The following THRB variants were observed in gnomAD, a reference collection of about 807,000 sequenced individuals.
THRB encodes nuclear receptor subfamily 1 group A member 2.
A neutral mutation model predicts 47.8 loss-of-function variants in THRB; 12 were observed. The ratio of observed to expected loss-of-function variants is 0.25; its 90% CI spans 0.16 to 0.41. The LOEUF (loss-of-function observed/expected upper bound fraction) is 0.41. Among genes scored for constraint, THRB ranks in the 10% least tolerant of loss-of-function variants. The pLI is 1.00. For synonymous variants in THRB, 218 were observed against 212.2 expected, an observed-to-expected ratio of 1.03 and a Z score of -0.24; for missense variants, 348 against 589.2, an observed-to-expected ratio of 0.59 and a Z score of 4.24.
chr3:24,235,010 G>A (rs1309608644), intron 3 of THRB, among the ~76,000 whole-genome samples: 1 of 152,190 alleles, frequency 6.6e-6, no homozygotes, highest in Non-Finnish European at 1.5e-5. Context: ...GTGTGAGAAA[G>A]GCAGCCCTGC....
intron 4 of THRB, among the ~76,000 whole-genome samples, chr3:24,224,715 C>G (rs2047485730): frequency 6.6e-6 from 1 of 152,202 alleles, no homozygotes; most frequent in Non-Finnish European, 1.5e-5. Context: ...TCAGTGTTCA[C>G]TTTTTCTTTA....
chr3:24,253,135 A>G (rs2050834396), intron 3 of THRB, among the ~76,000 whole-genome samples: 1 of 152,244 alleles, frequency 6.6e-6, no homozygotes, highest in Non-Finnish European at 1.5e-5. Flanking sequence ...ACGTTTTACA[A>G]AATTGCTGTG....
chr3:24,310,477 T>C (rs2057677349), intron 2 of THRB, among the ~76,000 whole-genome samples: 1 of 152,222 alleles, frequency 6.6e-6, no homozygotes, highest in South Asian at 2.1e-4. Flanking sequence ...CAAACTTCAG[T>C]GTGCATCAGA....
At chr3:24,275,820 G>A (rs542302115) in intron 3 of THRB, among the ~76,000 whole-genome samples, 1 of 152,076 alleles carries the variant, frequency 6.6e-6, no homozygotes, top group Non-Finnish European at 1.5e-5. Context: ...ATGAAAGACT[G>A]GGCTATGCCC....
chr3:24,185,691 C>T (rs1217942491), intron 5 of THRB, among the ~76,000 whole-genome samples: 1 of 152,134 alleles, frequency 6.6e-6, no homozygotes, highest in Non-Finnish European at 1.5e-5. Context: ...AGGGAGGTCC[C>T]TGATTGACAT....
chr3:24,310,857 G>A (rs549840995), intron 2 of THRB, among the ~76,000 whole-genome samples: 1 of 152,284 alleles, frequency 6.6e-6, no homozygotes, highest in East Asian at 1.9e-4. Context: ...TAGTGCTGCT[G>A]TTCAAAAATC....
intron 1 of THRB, among the ~76,000 whole-genome samples, chr3:24,375,374 C>T (rs1441398939): frequency 7.1e-6 from 1 of 139,952 alleles, no homozygotes; most frequent in Non-Finnish European, 1.6e-5. Context: ...TATATTTAGA[C>T]ATATAATATT....
chr3:24,177,724 T>C (rs1159232140), intron 5 of THRB, among the ~76,000 whole-genome samples: 2 of 152,244 alleles, frequency 1.3e-5, no homozygotes, highest in Non-Finnish European at 2.9e-5. Context: ...TACTTCATGT[T>C]GGTGCCCTTG....
chr3:24,276,928 A>G (rs1022455873), intron 3 of THRB, among the ~76,000 whole-genome samples: 3 of 152,234 alleles, frequency 2.0e-5, no homozygotes, highest in African/African-American at 7.2e-5. Flanking sequence ...TTAAATGTAT[A>G]CCATTTATAA....
At chr3:24,390,019 A>G (rs1459582437) in intron 1 of THRB, among the ~76,000 whole-genome samples, 2 of 152,122 alleles carry the variant, frequency 1.3e-5, no homozygotes, top group African/African-American at 4.8e-5. Flanking sequence ...AGGAAGGAGG[A>G]ACCAGAGATG....
intron 1 of THRB, among the ~76,000 whole-genome samples, chr3:24,356,009 C>T (rs2063650392): frequency 6.6e-6 from 1 of 152,116 alleles, no homozygotes; most frequent in Non-Finnish European, 1.5e-5. Context: ...TATGATTCAT[C>T]CTGAGGCAGA....
intron 1 of THRB, among the ~76,000 whole-genome samples, chr3:24,420,954 C>T (rs1170820430): frequency 2.0e-5 from 3 of 151,852 alleles, no homozygotes; most frequent in Middle Eastern, 3.2e-3. Context: ...AACCTAAATG[C>T]CCATCAATCA....
intron 4 of THRB, among the ~76,000 whole-genome samples, chr3:24,197,962 T>G (rs1024637208): frequency 1.3e-5 from 2 of 152,228 alleles, no homozygotes; most frequent in African/African-American, 4.8e-5. Context: ...CAAGGCCATC[T>G]TTCTAAGACC....
intron 3 of THRB, among the ~76,000 whole-genome samples, chr3:24,270,622 A>T (rs769453571): frequency 6.6e-6 from 1 of 152,228 alleles, no homozygotes; most frequent in East Asian, 1.9e-4. Flanking sequence ...GGTCTTGAAA[A>T]GACAGCTAAC....
intron 7 of THRB, 59 bp from the exon 8 acceptor site, chr3:24,143,765 C>T (rs1008061352): frequency 6.4e-7 from 1 of 1,573,034 alleles, no homozygotes; most frequent in African/African-American, 1.3e-5. Context: ...ACACAGCAAG[C>T]TGCACTTCCT....
At chr3:24,204,944 G>T (rs2045123958) in intron 4 of THRB, among the ~76,000 whole-genome samples, 1 of 152,122 alleles carries the variant, frequency 6.6e-6, no homozygotes, top group African/African-American at 2.4e-5. Context: ...AAGAAGAGAA[G>T]TTTAGAGAAA....
intron 1 of THRB, among the ~76,000 whole-genome samples, chr3:24,479,930 T>C (rs1696111800): frequency 6.6e-6 from 1 of 152,120 alleles, no homozygotes; most frequent in Non-Finnish European, 1.5e-5. Context: ...CTGAAGGCAG[T>C]CCCCAACAAA....
chr3:24,454,215 A>G (rs908360688), intron 1 of THRB, among the ~76,000 whole-genome samples: 1 of 152,266 alleles, frequency 6.6e-6, no homozygotes, highest in Non-Finnish European at 1.5e-5. Context: ...GACATGGATA[A>G]CCTTTGAAAA....
At chr3:24,432,934 T>C (rs2070591368) in intron 1 of THRB, among the ~76,000 whole-genome samples, 1 of 152,108 alleles carries the variant, frequency 6.6e-6, no homozygotes, top group African/African-American at 2.4e-5. Flanking sequence ...TTTCCTATAA[T>C]GGTTTATATT....
Sources: allele counts gnomAD v4.1 joint callset (sites outside exome capture counted in the v4.1 genomes callset), GRCh38; gene constraint gnomAD v4.1.1; transcripts MANE v1.5; gene names NCBI Gene and HGNC (gene_info 2026-07-23, HGNC 2026-07-21).